NBAS: variants seen among roughly 807,000 people sequenced by gnomAD.
NBAS encodes NBAS subunit of NRZ tethering complex.
A neutral mutation model predicts 302.5 loss-of-function variants in NBAS; 219 were observed. That is an observed-to-expected ratio of 0.72 (90% CI 0.65 to 0.81). The LOEUF (loss-of-function observed/expected upper bound fraction) is 0.81. Among genes scored for constraint, NBAS ranks in the 30% least tolerant of loss-of-function variants. The probability of loss-of-function intolerance (pLI) is 0.00; values close to 1 mark genes in which losing one functional copy is unlikely to be tolerated. For synonymous variants in NBAS, 1,118 were observed against 1,021.6 expected, an observed-to-expected ratio of 1.09 and a Z score of -1.80; for missense variants, 2,932 against 2,841.6, an observed-to-expected ratio of 1.03 and a Z score of -0.72.
In NBAS at chr2:15,461,747, A is replaced by G; in HGVS notation, c.2142T>C (p.Ala714=). 1.9e-6 allele frequency: 3 copies of G among 1,609,058 alleles called. No individual in the cohort carries two copies. Among genetic ancestry groups the G allele is most frequent in the Non-Finnish European group, 2.6e-6 (3 of 1,176,184 alleles). ...GATTTCTGAATTTCTTAAAGAATTC[A>G]GCATCATATCTCTGTTCAGATGCAT... ...VPHASEQRYD[A]EFFKKFRNQN... is the part of the protein sequence containing the mutation. Residue 714 remains alanine (A), a synonymous_variant, in exon 20 of 52, where the codon GCT becomes GCC. Coordinates refer to ENST00000281513, the MANE Select transcript of NBAS (RefSeq NM_015909.4).
the NBAS span, among the ~76,000 whole-genome samples, chr2:15,061,854 C>A: frequency 6.6e-6 from 1 of 152,148 alleles, no homozygotes; most frequent in Non-Finnish European, 1.5e-5. Context: ...GTTTCACAGG[C>A]GAAGATAAGC....
intron 49 of NBAS, among the ~76,000 whole-genome samples, chr2:15,189,038 C>A (rs1371614176): frequency 6.6e-6 from 1 of 152,158 alleles, no homozygotes; most frequent in African/African-American, 2.4e-5. Flanking sequence ...ACCCAGGACC[C>A]TGCTTTGAAC....
At chr2:14,781,326 G>A in the NBAS span, among the ~76,000 whole-genome samples, 1 of 152,286 alleles carries the variant, frequency 6.6e-6, no homozygotes, top group East Asian at 1.9e-4. Context: ...CGCAAATACA[G>A]CCCAGAACCA....
intron 34 of NBAS, among the ~76,000 whole-genome samples, chr2:15,352,312 G>A (rs567532841): frequency 5.9e-5 from 9 of 152,312 alleles, no homozygotes; most frequent in African/African-American, 1.9e-4. Context: ...GTAATGAATT[G>A]TTACAGGCAG....
chr2:14,978,433 T>C, the NBAS span, among the ~76,000 whole-genome samples: 4 of 152,202 alleles, frequency 2.6e-5, no homozygotes, highest in Non-Finnish European at 5.9e-5. Flanking sequence ...TTAATCAATA[T>C]TGCATTAGTA....
chr2:14,981,022 T>C, the NBAS span, among the ~76,000 whole-genome samples: 167 of 149,862 alleles, frequency 1.1e-3, no homozygotes, highest in Non-Finnish European at 2.0e-3. Flanking sequence ...ATTCAAGACA[T>C]ACAACATCTA....
intron 10 of NBAS, among the ~76,000 whole-genome samples, chr2:15,506,722 T>C (rs978210180): frequency 3.3e-5 from 5 of 151,970 alleles, no homozygotes; most frequent in African/African-American, 9.7e-5. Flanking sequence ...AATAGATGAC[T>C]AAAGAAAGCT....
chr2:14,917,764 A>G, the NBAS span, among the ~76,000 whole-genome samples: 1 of 152,170 alleles, frequency 6.6e-6, no homozygotes, highest in African/African-American at 2.4e-5. Context: ...GTTTCATTTT[A>G]TATGAAAACA....
At chr2:15,008,357 A>G in the NBAS span, among the ~76,000 whole-genome samples, 1 of 152,314 alleles carries the variant, frequency 6.6e-6, no homozygotes, top group African/African-American at 2.4e-5. Context: ...TTAATTCACT[A>G]GATTAGTCTT....
At chr2:15,238,393 C>A in intron 45 of NBAS, 75 bp downstream of exon 45, 1 of 1,450,760 alleles carries the variant, frequency 6.9e-7, no homozygotes, top group Admixed American at 1.9e-5. Context: ...GTCAAAACGA[C>A]TAATGTAACT....
the NBAS span, among the ~76,000 whole-genome samples, chr2:15,050,241 T>A: frequency 1.3e-5 from 2 of 152,164 alleles, no homozygotes; most frequent in Non-Finnish European, 2.9e-5. Context: ...GTATATATCC[T>A]TTTTTTAAAT....
chr2:14,922,849 C>G, the NBAS span, among the ~76,000 whole-genome samples: 1 of 152,178 alleles, frequency 6.6e-6, no homozygotes, highest in East Asian at 1.9e-4. Flanking sequence ...GCTACTCATC[C>G]TTGATAAAAA....
At chr2:15,356,723 G>C (rs1311493667) in intron 32 of NBAS, among the ~76,000 whole-genome samples, 1 of 152,178 alleles carries the variant, frequency 6.6e-6, no homozygotes, top group Non-Finnish European at 1.5e-5. Context: ...GTAAGGGAAA[G>C]AGAAGAAAAT....
At chr2:14,961,313 G>T in the NBAS span, among the ~76,000 whole-genome samples, 2 of 152,198 alleles carry the variant, frequency 1.3e-5, no homozygotes, top group Non-Finnish European at 2.9e-5. Flanking sequence ...AATATTGGAG[G>T]TGGGGCCTAG....
At chr2:15,256,494 T>C (rs1306775144) in intron 44 of NBAS, among the ~76,000 whole-genome samples, 4 of 151,680 alleles carry the variant, frequency 2.6e-5, no homozygotes, top group South Asian at 2.1e-4. Context: ...AATTGGCAAA[T>C]AGTGGCTGTT....
the NBAS span, among the ~76,000 whole-genome samples, chr2:14,856,538 C>G: frequency 2.6e-5 from 4 of 151,996 alleles, no homozygotes; most frequent in Admixed American, 2.0e-4. Context: ...TAAGGAAACT[C>G]AAAGAAATTC....
intron 48 of NBAS, among the ~76,000 whole-genome samples, chr2:15,212,016 AG>A (rs758515874): frequency 6.6e-6 from 1 of 152,246 alleles, no homozygotes; most frequent in Non-Finnish European, 1.5e-5. Flanking sequence ...TGTGCTAATA[AG>A]TTCAGCAGCA....
At chr2:15,098,705 T>C in the NBAS span, among the ~76,000 whole-genome samples, 2 of 136,508 alleles carry the variant, frequency 1.5e-5, no homozygotes, top group Non-Finnish European at 3.1e-5. Flanking sequence ...TAATATATTA[T>C]ATACATTATA....
chr2:14,821,214 C>G, the NBAS span, among the ~76,000 whole-genome samples: 1 of 152,168 alleles, frequency 6.6e-6, no homozygotes, highest in Middle Eastern at 3.4e-3. Flanking sequence ...CGTGAGCCAC[C>G]GCGCCCGGCC....
Sources: allele counts gnomAD v4.1 joint callset (sites outside exome capture counted in the v4.1 genomes callset), GRCh38; gene constraint gnomAD v4.1.1; transcripts MANE v1.5; gene names NCBI Gene and HGNC (gene_info 2026-07-23, HGNC 2026-07-21).